HIPK2: variants seen among roughly 807,000 people sequenced by gnomAD.
HIPK2 encodes the protein homeodomain interacting protein kinase 2.
A neutral mutation model predicts 113.7 loss-of-function variants in HIPK2; 27 were observed. That is an observed-to-expected ratio of 0.24 (90% confidence interval 0.17 to 0.33). HIPK2 has a LOEUF of 0.33. Among genes scored for constraint, HIPK2 ranks in the 10% least tolerant of loss-of-function variants. The pLI, the probability that HIPK2 is intolerant of heterozygous loss-of-function variation, is 1.00. For missense variants in HIPK2, 1,257 were observed against 1,588.0 expected (o/e 0.79, Z 3.54); for synonymous variants, 631 against 642.2 (o/e 0.98, Z 0.26).
At chr7:139,574,650 T>G (rs1798428142) in intron 14 of HIPK2, among the ~76,000 whole-genome samples, 1 of 152,136 alleles carries the variant, frequency 6.6e-6, no homozygotes, top group Non-Finnish European at 1.5e-5. Context: ...GAAACTCAGG[T>G]CACTCACATT....
chr7:139,682,959 G>A (rs1794092974), intron 2 of HIPK2, among the ~76,000 whole-genome samples: 1 of 152,232 alleles, frequency 6.6e-6, no homozygotes, highest in Non-Finnish European at 1.5e-5. Flanking sequence ...GTGGGGTGGA[G>A]CAAGAGAGGC....
At chr7:139,761,894 C>T (rs1796470389) in intron 1 of HIPK2, among the ~76,000 whole-genome samples, 1 of 151,916 alleles carries the variant, frequency 6.6e-6, no homozygotes, top group South Asian at 2.1e-4. Flanking sequence ...TCTATGCATA[C>T]AAAAAGACCT....
rs1456692882 is a variant in HIPK2, at chr7:139,569,560, G to A, written c.*3367C>T. On this transcript the variant is annotated 3_prime_UTR_variant, in exon 15 of 15. Transcript: ENST00000406875. ...TCCCCGAGCCCATGAGATGCCACCTGACGTCGCATCCCAGGCCTCTGGGAT... is the reference window on the plus strand; with the variant it reads ...TCCCCGAGCCCATGAGATGCCACCTAACGTCGCATCCCAGGCCTCTGGGAT... The A allele has an allele frequency of 2.0e-5, 3 of 152,198 alleles. No homozygotes were observed. The highest frequency in any genetic ancestry group is 7.2e-5 in the African/African-American group (3 of 41,428). 9.4% of individuals were successfully genotyped at this position (152,198 alleles called of 1,614,324 possible). A position where few individuals can be genotyped will look rare whatever the true frequency, so the allele number is the denominator to read the frequency against.
At chr7:139,722,072 G>T (rs759391515) in intron 1 of HIPK2, 2 of 468,470 alleles carry the variant, frequency 4.3e-6, no homozygotes, top group Non-Finnish European at 8.6e-6. Context: ...GATATGCATG[G>T]GGTTCTTACA....
chr7:139,705,220 G>T (rs1401731975), intron 2 of HIPK2, among the ~76,000 whole-genome samples: 3 of 152,264 alleles, frequency 2.0e-5, no homozygotes. Flanking sequence ...ATGGATCTGG[G>T]TGGGGAGGCT....
At chr7:139,677,153 GC>G (rs1341816071) in intron 2 of HIPK2, among the ~76,000 whole-genome samples, 1 of 151,722 alleles carries the variant, frequency 6.6e-6, no homozygotes, top group Non-Finnish European at 1.5e-5. Context: ...GAGCCACCAC[GC>G]CCGGCCAAAC....
rs555644640 is a variant in HIPK2 at position 139,588,939 on chromosome 7, C to T, written c.2718-4875G>A. On this transcript the variant is annotated intron_variant, in intron 12 of 14. Coordinates refer to ENST00000406875, the MANE Select transcript of HIPK2 (RefSeq NM_022740.5). ...GAGGAGATGGCGCTGCCCTGCCCTT[C>T]ACTCTCAGCTTCGGGCACAGCTACT... 4.6e-5 allele frequency among the ~76,000 whole-genome samples: 7 copies of T among 152,342 alleles called. No homozygotes were observed. The East Asian group carries it at 1.3e-3, about 29-fold the overall frequency.
chr7:139,749,806 G>A (rs1442050791), intron 1 of HIPK2, among the ~76,000 whole-genome samples: 7 of 152,132 alleles, frequency 4.6e-5, no homozygotes, highest in African/African-American at 1.4e-4. Flanking sequence ...CCGCCACGCC[G>A]CACAACAGTT....
intron 1 of HIPK2, among the ~76,000 whole-genome samples, chr7:139,771,745 T>C (rs1796656067): frequency 6.6e-6 from 1 of 152,034 alleles, no homozygotes; most frequent in Admixed American, 6.6e-5. Context: ...TTTTTTTAAA[T>C]AGGGAGAAAC....
At chr7:139,700,629 A>G (rs1794681879) in intron 2 of HIPK2, among the ~76,000 whole-genome samples, 1 of 152,170 alleles carries the variant, frequency 6.6e-6, no homozygotes, top group South Asian at 2.1e-4. Flanking sequence ...CAATCTATAA[A>G]TGATATTTCC....
chr7:139,771,585 C>T (rs907255885), intron 1 of HIPK2, among the ~76,000 whole-genome samples: 7 of 152,146 alleles, frequency 4.6e-5, no homozygotes, highest in Non-Finnish European at 7.3e-5. Flanking sequence ...AGGAACTGCA[C>T]GGCTATTGTA....
intron 2 of HIPK2, among the ~76,000 whole-genome samples, chr7:139,672,693 C>T (rs1802347592): frequency 6.6e-6 from 1 of 152,188 alleles, no homozygotes; most frequent in Non-Finnish European, 1.5e-5. Flanking sequence ...CTCCTGACCT[C>T]AGGTGATCCA....
At chr7:139,664,096 C>A (rs1801961864) in intron 2 of HIPK2, among the ~76,000 whole-genome samples, 1 of 152,226 alleles carries the variant, frequency 6.6e-6, no homozygotes, top group Non-Finnish European at 1.5e-5. Context: ...TCCCCTCATG[C>A]CCAATCTGAT....
rs1798240383 is a variant in HIPK2, at chr7:139,570,683, C to T, written c.*2244G>A. The T allele has an allele frequency of 6.6e-6, 1 of 152,498 alleles. No homozygotes were observed. The highest frequency in any genetic ancestry group is 1.5e-5 in the Non-Finnish European group (1 of 68,046). 9.4% of individuals were successfully genotyped at this position (152,498 alleles called of 1,614,324 possible). On this transcript the variant is annotated 3_prime_UTR_variant, in exon 15 of 15. Coordinates refer to ENST00000406875, the MANE Select transcript of HIPK2 (RefSeq NM_022740.5). ...GAGTTAGGTTGGATATCACTACAAA[C>T]ACACCTTTCACAGTAGATCCTTGAG...
At chr7:139,733,125 C>T (rs1795843960) in intron 1 of HIPK2, among the ~76,000 whole-genome samples, 1 of 152,128 alleles carries the variant, frequency 6.6e-6, no homozygotes, top group Admixed American at 6.5e-5. Flanking sequence ...CACCTTCCAC[C>T]ATGACTGTAA....
intron 1 of HIPK2, among the ~76,000 whole-genome samples, chr7:139,725,558 A>G (rs1308197778): frequency 6.6e-6 from 1 of 152,252 alleles, no homozygotes; most frequent in Non-Finnish European, 1.5e-5. Context: ...CAGAATTGTC[A>G]TCTTCTGATA....
intron 2 of HIPK2, among the ~76,000 whole-genome samples, chr7:139,698,859 G>A (rs1794631534): frequency 1.3e-5 from 2 of 152,110 alleles, no homozygotes. Context: ...TAGAACAAAA[G>A]TTCCAAACCT....
intron 1 of HIPK2, among the ~76,000 whole-genome samples, chr7:139,729,375 GAGAGAGA>G: frequency 7.8e-6 from 1 of 128,252 alleles, no homozygotes; most frequent in African/African-American, 3.6e-5. Context: ...GAGAGAGAGA[GAGAGAGA>G]GAATTGGGAG....
chr7:139,573,307 A>C lies in HIPK2; in HGVS notation c.3217T>G (p.Phe1073Val), dbSNP rs761661585. The change falls in exon 15 of 15, where the codon TTC becomes GTC. Residue 1073 changes from phenylalanine to valine, a missense_variant. Physicochemically the swap from Phe to Val is conservative, Grantham distance 50. Around this residue, in one of 5 missense-constraint regions of HIPK2, gnomAD observed 862 missense variants for 1,004.3 expected, o/e 0.86. Coordinates refer to ENST00000406875, the MANE Select transcript of HIPK2 (RefSeq NM_022740.5). ...TPTMAQAPYSFPHNSPSHGTV... is the reference protein window; with the variant it reads ...TPTMAQAPYSVPHNSPSHGTV... ...CCGTGGCTGGGGCTGTTGTGCGGGA[A>C]GGAGTACGGAGCCTGGGCCATGGTG... 29 of 1,605,154 alleles carry C rather than the reference A, an allele frequency of 1.8e-5. No homozygotes were observed. Among genetic ancestry groups the C allele is most frequent in the Non-Finnish European group, 2.4e-5 (28 of 1,179,800 alleles).
Sources: gnomAD v4.1 joint callset for allele counts (sites outside exome capture counted in the v4.1 genomes callset) on GRCh38, gnomAD v4.1.1 for gene constraint, gnomAD v4.1.1 regional missense constraint, MANE v1.5 for transcripts, NCBI Gene and HGNC (gene_info 2026-07-23, HGNC 2026-07-21) for gene names.